Variants in NXPH1 observed in about 807,000 individuals in gnomAD.
The protein encoded by NXPH1 is neurexophilin-1.
NXPH1 carries 5 observed loss-of-function variants against 23.7 expected under a neutral mutation model. The observed-to-expected ratio is 0.21, with a 90% CI of 0.11 to 0.44. The LOEUF (loss-of-function observed/expected upper bound fraction) is 0.44, where lower values mean the gene tolerates loss of function less well. Ranked by LOEUF, NXPH1 falls within the 20% of genes least tolerant of loss-of-function variation. NXPH1 has a pLI of 0.99. For synonymous variants in NXPH1, 144 were observed against 122.2 expected (o/e 1.18, Z -1.18); for missense variants, 324 against 321.6 (o/e 1.01, Z -0.06).
At chr7:8,530,815 C>G (rs1333802870) in intron 2 of NXPH1, among the ~76,000 whole-genome samples, 2 of 152,158 alleles carry the variant, frequency 1.3e-5, no homozygotes, top group African/African-American at 4.8e-5. Flanking sequence ...GTTTCCTGGG[C>G]TGATTGAACT....
At chr7:8,455,044 C>T (rs184897974) in intron 2 of NXPH1, among the ~76,000 whole-genome samples, 1 of 152,156 alleles carries the variant, frequency 6.6e-6, no homozygotes, top group Non-Finnish European at 1.5e-5. Context: ...TAGCCATTAA[C>T]AGTAGAGTAA....
intron 2 of NXPH1, among the ~76,000 whole-genome samples, chr7:8,736,258 G>C (rs959512765): frequency 6.6e-6 from 1 of 152,098 alleles, no homozygotes; most frequent in Non-Finnish European, 1.5e-5. Context: ...TTTCTCCTGT[G>C]GGCATTTAGT....
chr7:8,686,828 T>A (rs952443552), intron 2 of NXPH1, among the ~76,000 whole-genome samples: 10 of 152,158 alleles, frequency 6.6e-5, no homozygotes, highest in Admixed American at 2.0e-4. Flanking sequence ...CTGTTGTCAT[T>A]GTTGTCATTT....
chr7:8,449,091 GC>G (rs1816459026), intron 2 of NXPH1, among the ~76,000 whole-genome samples: 1 of 152,164 alleles, frequency 6.6e-6, no homozygotes. Context: ...ACTTATAATA[GC>G]CTACTGGGTT....
chr7:8,691,656 A>G (rs1821223110), intron 2 of NXPH1, among the ~76,000 whole-genome samples: 1 of 152,256 alleles, frequency 6.6e-6, no homozygotes. Context: ...AATATTTGCA[A>G]ATAAGCTGGT....
In NXPH1 at chr7:8,434,889, A is replaced by G. The variant is rs1001161606; in HGVS notation, c.-111+134A>G. 6.6e-6 allele frequency: 1 copy of G among 152,166 alleles called. No homozygotes were observed. Among genetic ancestry groups the G allele is most frequent in the Non-Finnish European group, 1.5e-5 (1 of 68,044 alleles). The allele number at this position is 152,166 out of a possible 1,614,324, so 9.4% of individuals were successfully genotyped here. A position where few individuals can be genotyped will look rare whatever the true frequency, so the allele number is the denominator to read the frequency against. The stretch of plus-strand genomic sequence containing the variant: ...CTGGCAGGTGACCCTCACAGCTCGG[A>G]GGAGGCTTCTTCTCTAGAAGTTAGC... On this transcript the variant is annotated intron_variant, in intron 1 of 2. Transcript: ENST00000405863. The surrounding 1 kb of genome is among the most constrained non-coding windows in gnomAD (Gnocchi z 7.6).
At chr7:8,525,169 T>G (rs1817842456) in intron 2 of NXPH1, among the ~76,000 whole-genome samples, 1 of 152,176 alleles carries the variant, frequency 6.6e-6, no homozygotes, top group South Asian at 2.1e-4. Context: ...AAGAGGAACT[T>G]GTTGGGAACT....
intron 2 of NXPH1, among the ~76,000 whole-genome samples, chr7:8,594,287 C>A (rs1484689038): frequency 1.3e-5 from 2 of 151,928 alleles, no homozygotes; most frequent in Non-Finnish European, 2.9e-5. Flanking sequence ...TTGATATTTA[C>A]CTTGGGTAGA....
intron 2 of NXPH1, among the ~76,000 whole-genome samples, chr7:8,627,853 T>TA (rs1051133419): frequency 1.3e-5 from 2 of 151,758 alleles, no homozygotes; most frequent in African/African-American, 2.4e-5. Context: ...AGAGGTACAA[T>TA]AAAAAAAGCC....
intron 2 of NXPH1, among the ~76,000 whole-genome samples, chr7:8,635,263 C>T (rs1820200987): frequency 6.6e-6 from 1 of 152,184 alleles, no homozygotes; most frequent in Admixed American, 6.6e-5. Flanking sequence ...AGGCTGAAGG[C>T]ACAATTCTTT....
chr7:8,537,243 CT>C (rs1818041529), intron 2 of NXPH1, among the ~76,000 whole-genome samples: 1 of 151,952 alleles, frequency 6.6e-6, no homozygotes, highest in Non-Finnish European at 1.5e-5. Flanking sequence ...CCCTCTCCCC[CT>C]ATTCACTTTA....
intron 2 of NXPH1, among the ~76,000 whole-genome samples, chr7:8,608,260 C>T (rs1478484222): frequency 2.0e-5 from 3 of 151,948 alleles, no homozygotes; most frequent in African/African-American, 7.3e-5. Context: ...ATCAGCTGTT[C>T]TCAGGGATAA....
At chr7:8,555,074 A>G (rs1330112954) in intron 2 of NXPH1, among the ~76,000 whole-genome samples, 1 of 151,632 alleles carries the variant, frequency 6.6e-6, no homozygotes, top group Non-Finnish European at 1.5e-5. Context: ...GAAAAAGTGT[A>G]GGTCCTCAAT....
In NXPH1 at chr7:8,513,637, T is replaced by G. The variant is rs1584203555; in HGVS notation, c.54+77870T>G. ...AGTAGCTACCAACATTGCATTATGG[T>G]TTGGGGGAACAAGGAACATTTGGAG... On this transcript the variant is annotated intron_variant, in intron 2 of 2. Coordinates refer to ENST00000405863, the MANE Select transcript of NXPH1 (RefSeq NM_152745.3). 2.0e-5 allele frequency among the ~76,000 whole-genome samples: 3 copies of G among 151,938 alleles called. No individual in the cohort carries two copies. In the South Asian group the frequency reaches 6.2e-4, roughly 32 times the overall value.
At chr7:8,710,175 G>C (rs770104887) in intron 2 of NXPH1, among the ~76,000 whole-genome samples, 7 of 152,178 alleles carry the variant, frequency 4.6e-5, no homozygotes, top group Non-Finnish European at 4.4e-5. Context: ...GGGGGTGTTT[G>C]AGCTCTTGAT....
chr7:8,504,564 G>A (rs1160585067), intron 2 of NXPH1, among the ~76,000 whole-genome samples: 1 of 152,038 alleles, frequency 6.6e-6, no homozygotes, highest in Non-Finnish European at 1.5e-5. Flanking sequence ...GCTGGGACAT[G>A]TTTTTGTCTA....
At chr7:8,521,455 G>A (rs1817770130) in intron 2 of NXPH1, among the ~76,000 whole-genome samples, 1 of 152,032 alleles carries the variant, frequency 6.6e-6, no homozygotes, top group African/African-American at 2.4e-5. Flanking sequence ...GTCACTTCTG[G>A]GCCAAGGCAT....
Position 8,435,763 on chromosome 7 carries a change from A to G in NXPH1, c.50A>G (p.Tyr17Cys), listed in dbSNP as rs747801621. 3.7e-6 allele frequency: 6 copies of G among 1,613,898 alleles called. No individual in the cohort carries two copies. The highest frequency in any genetic ancestry group is 2.2e-5 in the South Asian group (2 of 91,068). The stretch of plus-strand genomic sequence containing the variant: ...CTTTTCCTCCTGCAGCCCACCGTCT[A>G]CTTGGTAAGTCTTGGAAGGTTCGGG... ...YVLFLLQPTV[Y>C]LVTCANLTNG... Residue 17 changes from tyrosine to cysteine, a missense_variant, in exon 2 of 3, where the codon TAC becomes TGC. Physicochemically the swap from Tyr to Cys is radical, Grantham distance 194. Coordinates refer to ENST00000405863, the MANE Select transcript of NXPH1 (RefSeq NM_152745.3). The surrounding 1 kb of genome is among the most constrained non-coding windows in gnomAD (Gnocchi z 5.9).
intron 2 of NXPH1, among the ~76,000 whole-genome samples, chr7:8,743,122 T>C (rs943637362): frequency 6.6e-6 from 1 of 152,178 alleles, no homozygotes; most frequent in African/African-American, 2.4e-5. Flanking sequence ...GTTGTAATCA[T>C]AGAGCAATGT....
Sources: gnomAD v4.1 joint callset for allele counts (sites outside exome capture counted in the v4.1 genomes callset) on GRCh38, gnomAD v4.1.1 for gene constraint, Gnocchi (gnomAD v3.1) non-coding constraint, MANE v1.5 for transcripts, NCBI Gene and HGNC (gene_info 2026-07-23, HGNC 2026-07-21) for gene names.